The following SHQ1 variants were observed in gnomAD, a reference collection of about 807,000 sequenced individuals.
SHQ1 encodes protein SHQ1 homolog.
Under a neutral mutation model 53.8 loss-of-function variants are expected in SHQ1, and 49 were observed. That is an observed-to-expected ratio of 0.91 (90% CI 0.72 to 1.16). The LOEUF (loss-of-function observed/expected upper bound fraction) is 1.16. SHQ1 is among the 50% of genes most tolerant of loss of function. SHQ1 has a pLI of 0.00. For missense variants in SHQ1, 738 were observed against 683.1 expected, an observed-to-expected ratio of 1.08 and a Z score of -0.90; for synonymous variants, 243 against 251.0, an observed-to-expected ratio of 0.97 and a Z score of 0.30.
In SHQ1 at chr3:72,827,815, C is replaced by T. The variant is rs193047902; in HGVS notation, c.600-3264G>A. Among the ~76,000 whole-genome samples the T allele has an allele frequency of 4.8e-3, 670 of 138,898 alleles. 5 individuals carry two copies. The highest frequency in any genetic ancestry group is 0.017 in the African/African-American group (613 of 36,336). The allele number at this position is 138,898 out of a possible 152,430, so 91.1% of individuals were successfully genotyped here. ...TGTTGCCCAGGCTGGAGTGCAGTGGCGCAATCTCGGCTCACTGCAAGCTCC... is the reference window on the plus strand; with the variant it reads ...TGTTGCCCAGGCTGGAGTGCAGTGGTGCAATCTCGGCTCACTGCAAGCTCC... On this transcript the variant is annotated intron_variant, in intron 5 of 10. Transcript: ENST00000325599.
intron 4 of SHQ1, among the ~76,000 whole-genome samples, chr3:72,833,575 T>C (rs1284992485): frequency 7.3e-6 from 1 of 136,256 alleles, no homozygotes; most frequent in Non-Finnish European, 1.6e-5. Flanking sequence ...ATAGATAGAA[T>C]TTTTACGGGC....
downstream of SHQ1, among the ~76,000 whole-genome samples, chr3:72,745,430 G>A (rs1705242636): frequency 6.6e-6 from 1 of 152,172 alleles, no homozygotes; most frequent in African/African-American, 2.4e-5. Context: ...TATTCTTCAA[G>A]GATAATGGGA....
At chr3:72,819,184 G>A (rs1707405300) in intron 6 of SHQ1, among the ~76,000 whole-genome samples, 1 of 152,162 alleles carries the variant, frequency 6.6e-6, no homozygotes, top group Admixed American at 6.5e-5. Flanking sequence ...ATTTCACTTA[G>A]TATTTCTCCA....
At chr3:72,835,688 C>T (rs1467888981) in intron 4 of SHQ1, among the ~76,000 whole-genome samples, 1 of 152,212 alleles carries the variant, frequency 6.6e-6, no homozygotes, top group Non-Finnish European at 1.5e-5. Context: ...ACCCCATGTT[C>T]ACCGTCCTCT....
chr3:72,752,533 A>AT lies in SHQ1; in HGVS notation c.1182-1698dup, dbSNP rs1254721102. On this transcript the variant is annotated intron_variant, in intron 10 of 10. Coordinates refer to ENST00000325599, the MANE Select transcript of SHQ1 (RefSeq NM_018130.3). ...AAACCATTTCATATTATTTCAGAAG[A>AT]TTTTTTTTTTTTGAGACAGAGTCTC... Among the ~76,000 whole-genome samples the AT allele has an allele frequency of 8.4e-3, 1,242 of 147,610 alleles. 18 individuals carry two copies. The highest frequency in any genetic ancestry group is 0.025 in the African/African-American group (1,032 of 40,534).
chr3:72,768,726 C>G (rs1705786167), intron 10 of SHQ1, among the ~76,000 whole-genome samples: 1 of 152,224 alleles, frequency 6.6e-6, no homozygotes, highest in Admixed American at 6.5e-5. Context: ...GACACAAACA[C>G]AGATTGTTCT....
downstream of SHQ1, among the ~76,000 whole-genome samples, chr3:72,744,925 G>GC (rs1491302343): frequency 0.28 from 33,433 of 118,962 alleles, 4,324 homozygotes; most frequent in African/African-American, 0.37. Flanking sequence ...TGATACATTG[G>GC]GGGGGGGGGG....
chr3:72,765,428 AT>A (rs142848539), intron 10 of SHQ1, among the ~76,000 whole-genome samples: 30,663 of 129,402 alleles, frequency 0.24, 3,475 homozygotes, highest in Non-Finnish European at 0.26. Context: ...TCACTGATTC[AT>A]TTTTTTTTTT....
At chr3:72,770,310 T>G (rs1705819975) in intron 10 of SHQ1, among the ~76,000 whole-genome samples, 1 of 152,238 alleles carries the variant, frequency 6.6e-6, no homozygotes, top group Non-Finnish European at 1.5e-5. Context: ...AGAAGAGATC[T>G]GAAGCTGCCA....
intron 10 of SHQ1, among the ~76,000 whole-genome samples, chr3:72,757,326 A>C (rs1705516328): frequency 6.6e-6 from 1 of 151,754 alleles, no homozygotes; most frequent in South Asian, 2.1e-4. Context: ...CATACAAAAC[A>C]CACAATCTCA....
intron 6 of SHQ1, among the ~76,000 whole-genome samples, chr3:72,818,116 A>G (rs939501819): frequency 1.3e-5 from 2 of 151,998 alleles, no homozygotes; most frequent in African/African-American, 4.8e-5. Context: ...CATACCTACT[A>G]GGGAGTTTAT....
chr3:72,798,507 A>G (rs1217200896), intron 9 of SHQ1, among the ~76,000 whole-genome samples: 3 of 152,256 alleles, frequency 2.0e-5, no homozygotes, highest in African/African-American at 7.2e-5. Flanking sequence ...GACAGTAATA[A>G]GTAGGTGGGT....
At chr3:72,771,045 A>G (rs1705838179) in intron 10 of SHQ1, among the ~76,000 whole-genome samples, 1 of 152,200 alleles carries the variant, frequency 6.6e-6, no homozygotes, top group African/African-American at 2.4e-5. Flanking sequence ...CTCATATTTG[A>G]CCTTAGAGGT....
At position 72,844,345 on chromosome 3, in the gene SHQ1, T is replaced by C. The variant is rs778769396; in HGVS notation, c.208+14A>G. On this transcript the variant is annotated intron_variant, in intron 2 of 10. Coordinates refer to ENST00000325599, the MANE Select transcript of SHQ1 (RefSeq NM_018130.3). ...TCCCAAGAAATAAACTAACAAAAAT[T>C]CCAAAGACAATACCTTTATCTGCAT... 19 of 1,608,750 alleles carry C rather than the reference T, an allele frequency of 1.2e-5. 1 individual carries two copies. The South Asian group carries it at 2.1e-4, about 18-fold the overall frequency.
At chr3:72,743,252 G>A in the SHQ1 span, among the ~76,000 whole-genome samples, 1 of 152,190 alleles carries the variant, frequency 6.6e-6, no homozygotes, top group East Asian at 1.9e-4. Context: ...TTGGATTTAA[G>A]GCTCTTCCAG....
intron 9 of SHQ1, among the ~76,000 whole-genome samples, chr3:72,807,643 G>T (rs1706991618): frequency 6.6e-6 from 1 of 152,114 alleles, no homozygotes. Flanking sequence ...ATATTAAAAA[G>T]AAATTCACCT....
intron 4 of SHQ1, among the ~76,000 whole-genome samples, chr3:72,836,769 T>A (rs1473292913): frequency 1.3e-5 from 2 of 152,196 alleles, no homozygotes; most frequent in Non-Finnish European, 2.9e-5. Flanking sequence ...TGAGAAGTGT[T>A]CAACTACAGT....
chr3:72,847,096 G>A (rs1708359626), intron 1 of SHQ1, among the ~76,000 whole-genome samples: 1 of 152,034 alleles, frequency 6.6e-6, no homozygotes, highest in African/African-American at 2.4e-5. Flanking sequence ...AGTACATGAG[G>A]GCAGGACTTT....
At chr3:72,752,064 C>T (rs989054123) in intron 10 of SHQ1, among the ~76,000 whole-genome samples, 3 of 152,056 alleles carry the variant, frequency 2.0e-5, no homozygotes, top group African/African-American at 7.2e-5. Context: ...TGGGAAACAG[C>T]CAAATGTCCT....
Sources: gnomAD v4.1 joint callset for allele counts (sites outside exome capture counted in the v4.1 genomes callset) on GRCh38, gnomAD v4.1.1 for gene constraint, MANE v1.5 for transcripts, NCBI Gene and HGNC (gene_info 2026-07-23, HGNC 2026-07-21) for gene names.